ZFHX3: variants seen among roughly 807,000 people sequenced by gnomAD.
The protein encoded by ZFHX3 is zinc finger homeobox protein 3.
A neutral mutation model predicts 279.1 loss-of-function variants in ZFHX3; 42 were observed. The ratio of observed to expected loss-of-function variants is 0.15; its 90% CI spans 0.12 to 0.19. The LOEUF is 0.19. ZFHX3 is among the 10% of genes least tolerant of loss of function. ZFHX3 has a pLI of 1.00. For synonymous variants in ZFHX3, 2,293 were observed against 1,957.8 expected (o/e 1.17, Z -4.52); for missense variants, 4,981 against 4,754.0 (o/e 1.05, Z -1.40).
chr16:72,893,526 A>C (rs1436327965), intron 3 of ZFHX3, among the ~76,000 whole-genome samples: 1 of 151,598 alleles, frequency 6.6e-6, no homozygotes, highest in Non-Finnish European at 1.5e-5. Flanking sequence ...TAAACATCAT[A>C]CCGGGTACTC....
intron 5 of ZFHX3, among the ~76,000 whole-genome samples, chr16:73,251,331 A>C (rs2013480410): frequency 6.6e-6 from 1 of 152,196 alleles, no homozygotes; most frequent in Non-Finnish European, 1.5e-5. Context: ...TTACACCACA[A>C]GTGTGATAAA....
chr16:73,619,013 G>T (rs1468559708), intron 2 of ZFHX3, among the ~76,000 whole-genome samples: 1 of 152,042 alleles, frequency 6.6e-6, no homozygotes, highest in Non-Finnish European at 1.5e-5. Flanking sequence ...TTTAAATCAG[G>T]AACATCCTAG....
At chr16:73,665,501 A>C (rs2052828044) in intron 2 of ZFHX3, among the ~76,000 whole-genome samples, 1 of 151,834 alleles carries the variant, frequency 6.6e-6, no homozygotes, top group African/African-American at 2.4e-5. Flanking sequence ...GGCATGAGCC[A>C]CCATGCCTGG....
chr16:73,040,596 C>T (rs1044072061), intron 1 of ZFHX3, among the ~76,000 whole-genome samples: 2 of 152,190 alleles, frequency 1.3e-5, no homozygotes, highest in Non-Finnish European at 1.5e-5. Context: ...CTATTTCAGA[C>T]TCTTTCACTT....
intron 3 of ZFHX3, among the ~76,000 whole-genome samples, chr16:73,384,376 C>T (rs558265390): frequency 1.6e-4 from 25 of 152,328 alleles, no homozygotes; most frequent in Middle Eastern, 3.4e-3. Context: ...CTCTAGGCAA[C>T]GTCCTGGATT....
intron 5 of ZFHX3, among the ~76,000 whole-genome samples, chr16:73,231,278 C>T (rs2012764298): frequency 1.3e-5 from 2 of 152,068 alleles, no homozygotes; most frequent in Admixed American, 6.5e-5. Flanking sequence ...TATATCTTGT[C>T]GTTTAGCTTC....
rs368751310 is a variant in ZFHX3 at position 72,795,776 on chromosome 16, C to G, written c.6906G>C (p.Glu2302Asp). ...NARQKARKNY[E>D]NQGEGKDGER... The stretch of plus-strand genomic sequence containing the variant: ...CTCCATCTTTGCCCTCTCCCTGATT[C>G]TCATAATTCTTCCTGGCCTTCTGTC... The change falls in exon 9 of 10, where the codon GAG becomes GAC. Residue 2302 changes from glutamate to aspartate, a missense_variant. Transcript: ENST00000268489. 14 of 1,614,100 alleles carry G rather than the reference C, an allele frequency of 8.7e-6. No homozygotes were observed. Among genetic ancestry groups the G allele is most frequent in the African/African-American group, 4.0e-5 (3 of 74,932 alleles).
At chr16:73,443,243 T>C (rs1296167771) in intron 3 of ZFHX3, among the ~76,000 whole-genome samples, 2 of 152,174 alleles carry the variant, frequency 1.3e-5, no homozygotes, top group Non-Finnish European at 1.5e-5. Flanking sequence ...GCAGCCCAAA[T>C]GTTTATGACA....
intron 3 of ZFHX3, among the ~76,000 whole-genome samples, chr16:73,416,639 C>T (rs879571503): frequency 7.9e-5 from 12 of 152,038 alleles, no homozygotes; most frequent in Non-Finnish European, 1.6e-4. Context: ...TTTGGGAGGC[C>T]GAGGCGGGTG....
At chr16:72,870,427 C>T (rs574558857) in intron 4 of ZFHX3, among the ~76,000 whole-genome samples, 16 of 148,284 alleles carry the variant, frequency 1.1e-4, no homozygotes, top group African/African-American at 3.5e-4. Flanking sequence ...GAAAAAAAAA[C>T]GGCTGGGCAC....
chr16:73,502,587 G>A (rs777424445), intron 2 of ZFHX3, among the ~76,000 whole-genome samples: 1 of 152,198 alleles, frequency 6.6e-6, no homozygotes, highest in Non-Finnish European at 1.5e-5. Flanking sequence ...GGATTCCAAA[G>A]ATGGTAGACA....
intron 5 of ZFHX3, among the ~76,000 whole-genome samples, chr16:73,218,633 G>C (rs951106605): frequency 6.6e-6 from 1 of 152,088 alleles, no homozygotes; most frequent in Non-Finnish European, 1.5e-5. Flanking sequence ...GCTGGGTGTG[G>C]TGGTGTGCAC....
At chr16:73,462,004 GTC>G (rs1334552927) in intron 2 of ZFHX3, among the ~76,000 whole-genome samples, 16 of 152,156 alleles carry the variant, frequency 1.1e-4, no homozygotes, top group Non-Finnish European at 2.1e-4. Flanking sequence ...AACATTGAAT[GTC>G]TCTCCATTTA....
intron 1 of ZFHX3, among the ~76,000 whole-genome samples, chr16:73,737,453 G>A (rs1369258214): frequency 1.1e-4 from 16 of 152,208 alleles, no homozygotes; most frequent in Admixed American, 1.0e-3. Flanking sequence ...GTGGGATGAA[G>A]ACAGCATAAC....
intron 2 of ZFHX3, among the ~76,000 whole-genome samples, chr16:73,517,303 G>C: frequency 6.6e-6 from 1 of 152,108 alleles, no homozygotes; most frequent in East Asian, 1.9e-4. Context: ...CATTTCCTTT[G>C]CACTAGAAAT....
In ZFHX3 at chr16:72,957,735, C is replaced by A; in HGVS notation, c.2411G>T (p.Trp804Leu). Reference sequence around the variant, plus strand: ...CTCATAATCACACACCTCGCACCGCCAGGTGGGTTTGGTTTTTGGTTTGGT... The same window carrying A: ...CTCATAATCACACACCTCGCACCGCAAGGTGGGTTTGGTTTTTGGTTTGGT... ...SPTKPKTKPT[W>L]RCEVCDYETN... The change falls in exon 2 of 10, where the codon TGG becomes TTG. Residue 804 changes from tryptophan (W) to leucine (L), a missense_variant. Trp to Leu is a moderately conservative substitution (Grantham distance 61). Coordinates refer to ENST00000268489, the MANE Select transcript of ZFHX3 (RefSeq NM_006885.4). 6.2e-7 allele frequency: 1 copy of A among 1,614,002 alleles called. No homozygotes were observed. Among genetic ancestry groups the A allele is most frequent in the East Asian group, 2.2e-5 (1 of 44,864 alleles).
chr16:73,056,441 A>G (rs540119113), intron 1 of ZFHX3, among the ~76,000 whole-genome samples: 1 of 152,256 alleles, frequency 6.6e-6, no homozygotes, highest in Admixed American at 6.5e-5. Context: ...TGCCCATTCA[A>G]GAAGCAAACT....
Position 72,800,122 on chromosome 16 carries a change from G to A in ZFHX3, c.3872C>T (p.Thr1291Ile). The change falls in exon 8 of 10, where the codon ACC (threonine) becomes ATC (isoleucine). Residue 1291 changes from threonine to isoleucine, a missense_variant. Physicochemically the swap from Thr to Ile is moderately conservative, Grantham distance 89 (BLOSUM62 -1). This residue lies in a region of ZFHX3 where 1,751 missense variants were observed against 1,770.0 expected (regional missense o/e 0.99). Transcript: ENST00000268489. ...GCTGCTTGGCATCACCATCTCAGGG[G>A]TGGTCACCTGAGGAGCAAGAGCAAG... ...CVEKLIMTVT[T>I]PEMVMPSSMF... 1.2e-6 allele frequency: 2 copies of A among 1,614,120 alleles called. No homozygotes were observed. Among genetic ancestry groups the A allele is most frequent in the Non-Finnish European group, 1.7e-6 (2 of 1,179,984 alleles).
chr16:73,414,831 G>A (rs752949157), intron 3 of ZFHX3, among the ~76,000 whole-genome samples: 2 of 152,006 alleles, frequency 1.3e-5, no homozygotes, highest in Non-Finnish European at 2.9e-5. Flanking sequence ...GTGAGATCCC[G>A]TCTGAAACAA....
Sources: allele counts gnomAD v4.1 joint callset (sites outside exome capture counted in the v4.1 genomes callset), GRCh38; gene constraint gnomAD v4.1.1; regional missense constraint gnomAD v4.1.1; transcripts MANE v1.5; gene names NCBI Gene and HGNC (gene_info 2026-07-23, HGNC 2026-07-21).